ACTN1: variants seen among roughly 807,000 people sequenced by gnomAD.
The protein encoded by ACTN1 is alpha-actinin-1.
ACTN1 carries 30 observed loss-of-function variants against 119.6 expected under a neutral mutation model. That is an observed-to-expected ratio of 0.25 (90% confidence interval 0.19 to 0.34). The LOEUF (loss-of-function observed/expected upper bound fraction) is 0.34. Ranked by LOEUF, ACTN1 falls within the 10% of genes least tolerant of loss-of-function variation. The probability of loss-of-function intolerance (pLI) is 1.00; values close to 1 mark genes in which losing one functional copy is unlikely to be tolerated. For synonymous variants in ACTN1, 429 were observed against 472.6 expected, an observed-to-expected ratio of 0.91 and a Z score of 1.20; for missense variants, 764 against 1,223.4, an observed-to-expected ratio of 0.62 and a Z score of 5.60.
intron 13 of ACTN1, among the ~76,000 whole-genome samples, chr14:68,884,573 T>C (rs1456211605): frequency 6.6e-6 from 1 of 152,150 alleles, no homozygotes; most frequent in Non-Finnish European, 1.5e-5. Context: ...ATGAGACATG[T>C]GAGGGCAAGA....
chr14:68,959,672 C>T (rs76745467), intron 1 of ACTN1, among the ~76,000 whole-genome samples: 3,572 of 152,222 alleles, frequency 0.023, 65 homozygotes, highest in Non-Finnish European at 0.035. Context: ...AAATCAAACT[C>T]ATAGAAGCAG....
rs1028913262 is a variant in ACTN1, at chr14:68,909,595, G to T, written c.516-199C>A. ...CACTAGGGTCAAGACTTTGTGGGGG[G>T]GTTGACAAGTTCAGATAAACCTGCC... On this transcript the variant is annotated intron_variant, in intron 5 of 21. Coordinates refer to ENST00000394419, the MANE Select transcript of ACTN1 (RefSeq NM_001130004.2). This position sits in a 1 kb window ranked among gnomAD's most constrained non-coding sequence, Gnocchi z 4.1. 2.6e-5 allele frequency among the ~76,000 whole-genome samples: 4 copies of T among 152,124 alleles called. No individual in the cohort carries two copies. The highest frequency in any genetic ancestry group is 9.7e-5 in the African/African-American group (4 of 41,422).
At chr14:68,978,119 G>C (rs2037132202) in intron 1 of ACTN1, 1 of 455,592 alleles carries the variant, frequency 2.2e-6, no homozygotes, top group African/African-American at 2.0e-5. Context: ...CTGGGATGCA[G>C]CTCCGTGGCT....
At chr14:68,933,134 T>TTTA (rs59982748) in intron 1 of ACTN1, among the ~76,000 whole-genome samples, 3 of 151,996 alleles carry the variant, frequency 2.0e-5, no homozygotes, top group East Asian at 3.9e-4. Context: ...TTGTATTTTT[T>TTTA]TTATTATTAT....
chr14:68,978,092 C>A (rs1436766369), intron 1 of ACTN1: 1 of 455,048 alleles, frequency 2.2e-6, no homozygotes, highest in African/African-American at 2.0e-5. Flanking sequence ...GGCGCGCACC[C>A]GGCACACCGC....
At position 68,885,571 on chromosome 14, in the gene ACTN1, T is replaced by C. The variant is rs1468345008; in HGVS notation, c.1239A>G (p.Lys413=). 6.2e-7 allele frequency: 1 copy of C among 1,612,756 alleles called. No individual in the cohort carries two copies. Among genetic ancestry groups the C allele is most frequent in the Non-Finnish European group, 8.5e-7 (1 of 1,179,926 alleles). Residue 413 remains lysine, a synonymous_variant, in exon 12 of 22, where the codon AAA becomes AAG. Coordinates refer to ENST00000394419, the MANE Select transcript of ACTN1 (RefSeq NM_001130004.2). The surrounding 1 kb of genome is among the most constrained non-coding windows in gnomAD (Gnocchi z 5.6). ...ASIHEAWTDG[K]EAMLRQKDYE... is the part of the protein sequence containing the mutation. Reference sequence around the variant, plus strand: ...AGTCCTTCTGTCGCAGCATGGCCTCTTTGCCTGGGTTGAGAGAGGGCCACA... The same window carrying C: ...AGTCCTTCTGTCGCAGCATGGCCTCCTTGCCTGGGTTGAGAGAGGGCCACA...
At chr14:68,968,823 A>C (rs562019841) in intron 1 of ACTN1, among the ~76,000 whole-genome samples, 10 of 152,358 alleles carry the variant, frequency 6.6e-5, no homozygotes, top group Admixed American at 5.2e-4. Context: ...GCTGCAAAGC[A>C]CTTAGACATG....
At chr14:68,910,123 G>C in intron 4 of ACTN1, 81 bp from the exon 5 acceptor site, 1 of 1,178,426 alleles carries the variant, frequency 8.5e-7, no homozygotes, top group East Asian at 2.4e-5. Context: ...AGGCCCCACT[G>C]TGACCCTTTG....
intron 1 of ACTN1, chr14:68,936,971 C>T: frequency 2.3e-6 from 1 of 425,920 alleles, no homozygotes; most frequent in South Asian, 1.8e-5. Context: ...ATTGTACTCA[C>T]CTCTGATGTA....
chr14:68,909,588 G>T lies in ACTN1; in HGVS notation c.516-192C>A, dbSNP rs146622231. Among the ~76,000 whole-genome samples the T allele has an allele frequency of 6.6e-6, 1 of 152,118 alleles. No individual in the cohort carries two copies. Among genetic ancestry groups the T allele is most frequent in the Non-Finnish European group, 1.5e-5 (1 of 68,000 alleles). ...TCCCAGGCACTAGGGTCAAGACTTTGTGGGGGGGTTGACAAGTTCAGATAA... is the reference window on the plus strand; with the variant it reads ...TCCCAGGCACTAGGGTCAAGACTTTTTGGGGGGGTTGACAAGTTCAGATAA... On this transcript the variant is annotated intron_variant, in intron 5 of 21. Coordinates refer to ENST00000394419, the MANE Select transcript of ACTN1 (RefSeq NM_001130004.2). The surrounding 1 kb of genome is among the most constrained non-coding windows in gnomAD (Gnocchi z 4.1).
rs564483867 is a variant in ACTN1 at position 68,878,648 on chromosome 14, G to T, written c.2362-125C>A. On this transcript the variant is annotated intron_variant, in intron 19 of 21. Coordinates refer to ENST00000394419, the MANE Select transcript of ACTN1 (RefSeq NM_001130004.2). This position sits in a 1 kb window ranked among gnomAD's most constrained non-coding sequence, Gnocchi z 4.4. The stretch of plus-strand genomic sequence containing the variant: ...GGGGATGAGATTTATGGTTTTGGGG[G>T]TCAGGATAGGTAAAGGAACATAGGA... The T allele has an allele frequency of 1.9e-5, 30 of 1,551,478 alleles. No individual in the cohort carries two copies. The Admixed American group carries it at 5.6e-4, about 29-fold the overall frequency.
intron 1 of ACTN1, among the ~76,000 whole-genome samples, chr14:68,964,783 A>T (rs1821471862): frequency 6.6e-6 from 1 of 152,194 alleles, no homozygotes; most frequent in South Asian, 2.1e-4. Flanking sequence ...ATGCGGTAAT[A>T]AGTGCTGGCT....
At chr14:68,975,819 A>C (rs751945825) in intron 1 of ACTN1, among the ~76,000 whole-genome samples, 5 of 152,188 alleles carry the variant, frequency 3.3e-5, no homozygotes, top group Non-Finnish European at 5.9e-5. Flanking sequence ...GCATTCTTTG[A>C]AAGAGGGACA....
intron 8 of ACTN1, among the ~76,000 whole-genome samples, chr14:68,895,601 A>C (rs4899267): frequency 0.15 from 22,163 of 152,130 alleles, 1,848 homozygotes; most frequent in African/African-American, 0.22. Context: ...GCCACCCCGG[A>C]AGACTATGCC....
intron 4 of ACTN1, among the ~76,000 whole-genome samples, chr14:68,910,724 C>T (rs974429643): frequency 2.0e-5 from 3 of 152,120 alleles, no homozygotes; most frequent in African/African-American, 4.8e-5. Context: ...ATAATTCCCA[C>T]GTGTTGTGGG....
chr14:68,943,994 T>G (rs1454136059), intron 1 of ACTN1, among the ~76,000 whole-genome samples: 1 of 152,138 alleles, frequency 6.6e-6, no homozygotes, highest in Non-Finnish European at 1.5e-5. Flanking sequence ...CTGCTCAGTC[T>G]CAAGCCACAC....
At chr14:68,945,794 G>A (rs1159071068) in intron 1 of ACTN1, among the ~76,000 whole-genome samples, 1 of 152,176 alleles carries the variant, frequency 6.6e-6, no homozygotes, top group Non-Finnish European at 1.5e-5. Flanking sequence ...GGGGCAGCTC[G>A]CTGTTCACAG....
chr14:68,875,795 TTCC>T (rs2030824009), intron 21 of ACTN1, among the ~76,000 whole-genome samples: 5 of 152,222 alleles, frequency 3.3e-5, no homozygotes, highest in Non-Finnish European at 7.3e-5. Context: ...GGCCCTAGTT[TTCC>T]TCCTCTACAA....
At chr14:68,974,791 C>A (rs1399028372) in intron 1 of ACTN1, among the ~76,000 whole-genome samples, 3 of 152,214 alleles carry the variant, frequency 2.0e-5, no homozygotes, top group African/African-American at 7.2e-5. Context: ...TGAACATCTA[C>A]TGATTGCCTT....
Sources: gnomAD v4.1 joint callset for allele counts (sites outside exome capture counted in the v4.1 genomes callset) on GRCh38, gnomAD v4.1.1 for gene constraint, Gnocchi (gnomAD v3.1) non-coding constraint, MANE v1.5 for transcripts, NCBI Gene and HGNC (gene_info 2026-07-23, HGNC 2026-07-21) for gene names.